Variants in SHTN1 observed in about 807,000 individuals in gnomAD.
SHTN1 encodes shootin 1, also known as shootin-1.
SHTN1 carries 42 observed loss-of-function variants against 83.1 expected under a neutral mutation model. The ratio of observed to expected loss-of-function variants is 0.51; its 90% confidence interval spans 0.39 to 0.65. The LOEUF (loss-of-function observed/expected upper bound fraction) is 0.65. Ranked by LOEUF, SHTN1 falls within the 30% of genes least tolerant of loss-of-function variation. The probability of loss-of-function intolerance (pLI) is 0.00; values close to 1 mark genes in which losing one functional copy is unlikely to be tolerated. For synonymous variants in SHTN1, 224 were observed against 247.7 expected (o/e 0.90, Z 0.90); for missense variants, 622 against 737.8 (o/e 0.84, Z 1.82).
intron 1 of SHTN1, among the ~76,000 whole-genome samples, chr10:117,052,344 A>C (rs1489247710): frequency 6.6e-6 from 1 of 152,076 alleles, no homozygotes; most frequent in Non-Finnish European, 1.5e-5. Context: ...TTAAGATGGC[A>C]GTGTTCCCCA....
chr10:116,968,466 AATG>A (rs1249899936), intron 3 of SHTN1, among the ~76,000 whole-genome samples, 183 bp downstream of exon 3: 1 of 152,234 alleles, frequency 6.6e-6, no homozygotes, highest in Non-Finnish European at 1.5e-5. Flanking sequence ...TTGATGAAAC[AATG>A]ATGTTTATTC....
chr10:116,991,680 T>C (rs1241381046), intron 1 of SHTN1, among the ~76,000 whole-genome samples: 1 of 152,138 alleles, frequency 6.6e-6, no homozygotes, highest in Non-Finnish European at 1.5e-5. Context: ...TCCAGCCCCA[T>C]GACCCAAACA....
At chr10:117,095,497 G>A (rs1370893713) in intron 1 of SHTN1, among the ~76,000 whole-genome samples, 1 of 152,150 alleles carries the variant, frequency 6.6e-6, no homozygotes, top group Non-Finnish European at 1.5e-5. Context: ...AGAATCTAGA[G>A]TTATGTATAA....
At chr10:116,944,664 G>A (rs1024484729) in intron 8 of SHTN1, among the ~76,000 whole-genome samples, 10 of 152,114 alleles carry the variant, frequency 6.6e-5, no homozygotes, top group South Asian at 6.2e-4. Flanking sequence ...AGGCCAAGGC[G>A]AGCAGATCAC....
intron 1 of SHTN1, among the ~76,000 whole-genome samples, chr10:117,064,374 A>G (rs569078347): frequency 3.0e-4 from 46 of 152,338 alleles, no homozygotes; most frequent in Admixed American, 8.5e-4. Context: ...ATGTACGTTC[A>G]GCCAGGCATG....
chr10:116,941,701 C>T (rs1010525490), intron 8 of SHTN1, among the ~76,000 whole-genome samples: 4 of 152,170 alleles, frequency 2.6e-5, no homozygotes, highest in Non-Finnish European at 5.9e-5. Context: ...AAATAAAACT[C>T]AGGACAAAAA....
At chr10:117,030,273 T>C (rs1464372887) in intron 2 of SHTN1, among the ~76,000 whole-genome samples, 1 of 152,188 alleles carries the variant, frequency 6.6e-6, no homozygotes, top group East Asian at 1.9e-4. Flanking sequence ...TCTCTATGAA[T>C]GTGTGAGAAC....
intron 16 of SHTN1, among the ~76,000 whole-genome samples, chr10:116,893,644 G>C (rs1475058009): frequency 2.1e-5 from 3 of 145,782 alleles, no homozygotes; most frequent in Non-Finnish European, 3.0e-5. Context: ...TGGTGGGGGT[G>C]GGAGTATCTA....
intron 8 of SHTN1, among the ~76,000 whole-genome samples, chr10:116,943,994 G>C (rs1184209432): frequency 6.6e-6 from 1 of 152,126 alleles, no homozygotes; most frequent in Admixed American, 6.5e-5. Flanking sequence ...GAGATTCAAA[G>C]CTGATCTCTA....
chr10:116,929,196 T>C (rs1848858103), intron 10 of SHTN1, among the ~76,000 whole-genome samples: 1 of 152,220 alleles, frequency 6.6e-6, no homozygotes. Context: ...AAAGGGAATG[T>C]ACCTGACTTC....
At chr10:116,901,987 A>G (rs754854260) in intron 15 of SHTN1, 30 bp from the exon 16 acceptor site, 12 of 1,541,434 alleles carry the variant, frequency 7.8e-6, no homozygotes, top group Admixed American at 2.2e-5. Context: ...CTCAAGTTTA[A>G]TAATTCTGTA....
At chr10:117,078,707 A>C (rs1853202193) in intron 1 of SHTN1, among the ~76,000 whole-genome samples, 1 of 152,232 alleles carries the variant, frequency 6.6e-6, no homozygotes, top group African/African-American at 2.4e-5. Context: ...CTCCCAGTGA[A>C]AGCACAGAAA....
chr10:117,038,746 T>G (rs1852539302), intron 2 of SHTN1, among the ~76,000 whole-genome samples: 1 of 151,596 alleles, frequency 6.6e-6, no homozygotes, highest in Admixed American at 6.6e-5. Flanking sequence ...AAGATCTACA[T>G]CAAATATCAT....
At position 116,882,384 on chromosome 10, in the gene SHTN1, C is replaced by T. The variant is rs1171958746; in HGVS notation, c.*3960G>A. 2.2e-5 allele frequency: 3 copies of T among 135,298 alleles called. No homozygotes were observed. Among genetic ancestry groups the T allele is most frequent in the Non-Finnish European group, 4.7e-5 (3 of 64,060 alleles). 8.4% of individuals were successfully genotyped at this position (135,298 alleles called of 1,614,324 possible). On this transcript the variant is annotated 3_prime_UTR_variant, in exon 17 of 17. Transcript: ENST00000355371. ...TATTCATACCACAGCATTTAAAAAGCAATCCGCAAGTGATAAAAAAAAAAA... is the reference window on the plus strand; with the variant it reads ...TATTCATACCACAGCATTTAAAAAGTAATCCGCAAGTGATAAAAAAAAAAA...
upstream of SHTN1, among the ~76,000 whole-genome samples, chr10:117,009,436 GACA>G (rs1397878282): frequency 1.2e-4 from 18 of 152,028 alleles, no homozygotes; most frequent in African/African-American, 4.1e-4. Flanking sequence ...TAGATCCAAA[GACA>G]ACAATAGATT....
At chr10:116,903,805 T>C (rs1225271092) in intron 15 of SHTN1, among the ~76,000 whole-genome samples, 5 of 152,160 alleles carry the variant, frequency 3.3e-5, no homozygotes. Context: ...GGAAGGCAAT[T>C]AGTGAGCTAA....
intron 2 of SHTN1, among the ~76,000 whole-genome samples, chr10:117,025,317 C>A (rs1852316018): frequency 6.6e-6 from 1 of 152,182 alleles, no homozygotes; most frequent in Non-Finnish European, 1.5e-5. Context: ...CCAAACTCAG[C>A]TGATGCTCAC....
intron 1 of SHTN1, among the ~76,000 whole-genome samples, chr10:116,988,043 G>A (rs1023967484): frequency 6.6e-6 from 1 of 152,124 alleles, no homozygotes; most frequent in Admixed American, 6.5e-5. Context: ...GAATACATGT[G>A]CTATATATTT....
At chr10:116,957,397 G>GCA (rs1316495730) in intron 4 of SHTN1, among the ~76,000 whole-genome samples, 2 of 151,532 alleles carry the variant, frequency 1.3e-5, no homozygotes, top group Non-Finnish European at 2.9e-5. Context: ...GCGATTACAG[G>GCA]CACACACCAC....
Sources: allele counts gnomAD v4.1 joint callset (sites outside exome capture counted in the v4.1 genomes callset), GRCh38; gene constraint gnomAD v4.1.1; transcripts MANE v1.5; gene names NCBI Gene and HGNC (gene_info 2026-07-23, HGNC 2026-07-21).